The following DHX36 variants were observed in gnomAD, a reference collection of about 807,000 sequenced individuals.
DHX36 encodes the protein DEAH-box helicase 36, also known as ATP-dependent DNA/RNA helicase DHX36.
Under a neutral mutation model 139.0 loss-of-function variants are expected in DHX36, and 50 were observed. That is an observed-to-expected ratio of 0.36 (90% CI 0.29 to 0.46). The LOEUF (loss-of-function observed/expected upper bound fraction) is 0.46, where lower values mean the gene tolerates loss of function less well. DHX36 is among the 20% of genes least tolerant of loss of function. DHX36 has a pLI of 1.00. For synonymous variants in DHX36, 425 were observed against 401.9 expected, an observed-to-expected ratio of 1.06 and a Z score of -0.69; for missense variants, 1,024 against 1,211.3, an observed-to-expected ratio of 0.85 and a Z score of 2.29.
intron 12 of DHX36, among the ~76,000 whole-genome samples, chr3:154,297,192 T>C (rs769364277): frequency 1.1e-4 from 16 of 152,170 alleles, no homozygotes; most frequent in Non-Finnish European, 2.1e-4. Context: ...AACAGGCTAG[T>C]TGTGAAAGAC....
At chr3:154,322,122 CTG>C (rs763539156) in intron 1 of DHX36, among the ~76,000 whole-genome samples, 7 of 152,196 alleles carry the variant, frequency 4.6e-5, no homozygotes, top group Non-Finnish European at 8.8e-5. Context: ...CAGTATGACA[CTG>C]TAATGAAAAG....
intron 9 of DHX36, among the ~76,000 whole-genome samples, chr3:154,301,685 A>ATCAG (rs1329879298): frequency 2.6e-5 from 4 of 152,192 alleles, no homozygotes; most frequent in Non-Finnish European, 5.9e-5. Context: ...CAGATCCAGA[A>ATCAG]TCAGTATTCA....
chr3:154,291,113 C>T (rs564121640), intron 15 of DHX36, among the ~76,000 whole-genome samples: 8 of 108,568 alleles, frequency 7.4e-5, no homozygotes, highest in Admixed American at 1.4e-4. Context: ...CCAGCCTGGG[C>T]GACAGAGCGA....
intron 1 of DHX36, among the ~76,000 whole-genome samples, chr3:154,321,776 T>C (rs914153088): frequency 6.6e-5 from 10 of 152,080 alleles, no homozygotes; most frequent in African/African-American, 1.4e-4. Flanking sequence ...CTGGCCAACA[T>C]GGCAAAACCC....
chr3:154,304,194 T>C (rs1712412819), intron 8 of DHX36, among the ~76,000 whole-genome samples: 1 of 152,206 alleles, frequency 6.6e-6, no homozygotes, highest in Non-Finnish European at 1.5e-5. Flanking sequence ...ATATATTACA[T>C]TGTAATTCCC....
chr3:154,280,548 C>T lies in DHX36; in HGVS notation c.2567+31G>A, dbSNP rs748107331. On this transcript the variant is annotated intron_variant, in intron 22 of 24. Transcript: ENST00000496811. ...TTTCAAAAGTTTAAGAAGAGAATTA[C>T]GAGTAATTAATAATAATCTTCAATG... 32 of 1,467,252 alleles carry T rather than the reference C, an allele frequency of 2.2e-5. No homozygotes were observed. In the East Asian group the frequency reaches 3.2e-4, roughly 15 times the overall value. 90.9% of individuals were successfully genotyped at this position (1,467,252 alleles called of 1,614,324 possible).
At chr3:154,287,696 T>C (rs867047736) in intron 17 of DHX36, among the ~76,000 whole-genome samples, 8 of 151,724 alleles carry the variant, frequency 5.3e-5, no homozygotes, top group African/African-American at 1.9e-4. Flanking sequence ...AAGGAATTTA[T>C]CAAGGTATTA....
chr3:154,311,890 G>C (rs1008181637), intron 3 of DHX36: 17 of 420,724 alleles, frequency 4.0e-5, no homozygotes, highest in African/African-American at 3.5e-4. Context: ...GCAAAATAGA[G>C]ACAATGCTTT....
At chr3:154,314,091 G>A (rs1377576107) in intron 3 of DHX36, among the ~76,000 whole-genome samples, 1 of 152,152 alleles carries the variant, frequency 6.6e-6, no homozygotes, top group East Asian at 1.9e-4. Context: ...ACAGCAAAGA[G>A]AAAGACACTA....
rs1048054470 is a variant in DHX36, at chr3:154,274,482, G to T, written c.*1689C>A. ...CTTACCGGCATTATCAAAGGCTCTGGTGAGTTCTATCTTTCCACTGAGCTA... is the reference window on the plus strand; with the variant it reads ...CTTACCGGCATTATCAAAGGCTCTGTTGAGTTCTATCTTTCCACTGAGCTA... On this transcript the variant is annotated 3_prime_UTR_variant, in exon 25 of 25. Coordinates refer to ENST00000496811, the MANE Select transcript of DHX36 (RefSeq NM_020865.3). The T allele has an allele frequency of 6.6e-6, 1 of 152,420 alleles. No homozygotes were observed. Among genetic ancestry groups the T allele is most frequent in the Non-Finnish European group, 1.5e-5 (1 of 68,328 alleles). The allele number at this position is 152,420 out of a possible 1,614,324, so 9.4% of individuals were successfully genotyped here. A position where few individuals can be genotyped will look rare whatever the true frequency, so the allele number is the denominator to read the frequency against.
chr3:154,315,655 T>C (rs1044628944), intron 2 of DHX36, among the ~76,000 whole-genome samples: 1 of 152,092 alleles, frequency 6.6e-6, no homozygotes, highest in Admixed American at 6.5e-5. Flanking sequence ...GATGCTACAA[T>C]ACACAGTCTT....
At chr3:154,294,158 A>C (rs2108345969) in intron 13 of DHX36, among the ~76,000 whole-genome samples, 1 of 152,308 alleles carries the variant, frequency 6.6e-6, no homozygotes, top group South Asian at 2.1e-4. Flanking sequence ...AGAATAATGA[A>C]GTCAAGTCTC....
At chr3:154,297,110 G>C (rs1202543925) in intron 12 of DHX36, among the ~76,000 whole-genome samples, 1 of 152,174 alleles carries the variant, frequency 6.6e-6, no homozygotes, top group East Asian at 1.9e-4. Context: ...ATTACCATGA[G>C]GAAAAGCAGG....
rs1056683740 is a variant in DHX36, at chr3:154,276,198, T to C, written c.3000A>G (p.Pro1000=). ...AGCTGTAATATCCATCCTGGAATCG[T>C]GGCGGAAAGTTCCTGGGAGTTGCCT... ...QEKATPRNFP[P]RFQDGYYS Residue 1000 remains proline (P), a synonymous_variant, in exon 25 of 25, where the codon CCA becomes CCG. Transcript: ENST00000496811. The C allele has an allele frequency of 6.2e-7, 1 of 1,612,688 alleles. No homozygotes were observed. Among genetic ancestry groups the C allele is most frequent in the Non-Finnish European group, 8.5e-7 (1 of 1,179,524 alleles).
intron 5 of DHX36, 29 bp downstream of exon 5, chr3:154,309,624 A>C (rs770431356): frequency 6.4e-7 from 1 of 1,552,010 alleles, no homozygotes; most frequent in African/African-American, 1.4e-5. Flanking sequence ...TTAAAAAGAC[A>C]ATTTTTAATA....
At chr3:154,317,210 C>T (rs1038821748) in intron 1 of DHX36, among the ~76,000 whole-genome samples, 2 of 152,002 alleles carry the variant, frequency 1.3e-5, no homozygotes, top group South Asian at 4.1e-4. Flanking sequence ...CTCTGTGTTA[C>T]TGTACATTTT....
chr3:154,303,001 TG>T (rs1255880934), intron 9 of DHX36, among the ~76,000 whole-genome samples: 2 of 152,144 alleles, frequency 1.3e-5, no homozygotes, highest in Non-Finnish European at 2.9e-5. Context: ...CACTTCAACC[TG>T]GAAGGCGGAG....
intron 1 of DHX36, among the ~76,000 whole-genome samples, chr3:154,317,833 G>T (rs1208551754): frequency 1.4e-5 from 2 of 142,758 alleles, no homozygotes; most frequent in African/African-American, 2.7e-5. Context: ...GATTTCAATT[G>T]TTTATTTTTT....
chr3:154,299,289 T>C (rs1018579702), intron 12 of DHX36, among the ~76,000 whole-genome samples: 2 of 152,180 alleles, frequency 1.3e-5, no homozygotes, highest in African/African-American at 4.8e-5. Context: ...AAAAATTATA[T>C]TCAGAACTGT....
Sources: allele counts gnomAD v4.1 joint callset (sites outside exome capture counted in the v4.1 genomes callset), GRCh38; gene constraint gnomAD v4.1.1; transcripts MANE v1.5; gene names NCBI Gene and HGNC (gene_info 2026-07-23, HGNC 2026-07-21).